Variants in TMEM132B observed in about 807,000 individuals in gnomAD.
TMEM132B encodes transmembrane protein 132B.
Under a neutral mutation model 90.8 loss-of-function variants are expected in TMEM132B, and 18 were observed. That is an observed-to-expected ratio of 0.20 (90% CI 0.14 to 0.29). The LOEUF is 0.29. Among genes scored for constraint, TMEM132B ranks in the 10% least tolerant of loss-of-function variants. The probability of loss-of-function intolerance (pLI) is 1.00; values close to 1 mark genes in which losing one functional copy is unlikely to be tolerated. For missense variants in TMEM132B, 1,096 were observed against 1,326.8 expected, an observed-to-expected ratio of 0.83 and a Z score of 2.70; for synonymous variants, 504 against 523.3, an observed-to-expected ratio of 0.96 and a Z score of 0.50.
At chr12:125,604,643 G>A (rs1885649619) in intron 5 of TMEM132B, among the ~76,000 whole-genome samples, 1 of 152,172 alleles carries the variant, frequency 6.6e-6, no homozygotes. Context: ...ATGAGCAAAT[G>A]TTTGAACATG....
intron 1 of TMEM132B, among the ~76,000 whole-genome samples, chr12:125,321,134 G>A (rs1206654458): frequency 6.6e-6 from 1 of 152,180 alleles, no homozygotes; most frequent in Admixed American, 6.5e-5. Context: ...AAGAGGTGCT[G>A]GATCTGGATA....
chr12:125,429,761 G>A (rs951003614), intron 3 of TMEM132B, among the ~76,000 whole-genome samples: 27 of 152,336 alleles, frequency 1.8e-4, no homozygotes, highest in African/African-American at 6.5e-4. Flanking sequence ...TTTTCATCAT[G>A]TCGTATCAGG....
intron 2 of TMEM132B, among the ~76,000 whole-genome samples, chr12:125,387,950 A>G (rs754481622): frequency 5.9e-5 from 9 of 152,196 alleles, no homozygotes; most frequent in Non-Finnish European, 1.3e-4. Flanking sequence ...GTCTTTGACT[A>G]GAAAGGAGGA....
intron 5 of TMEM132B, among the ~76,000 whole-genome samples, chr12:125,596,841 G>A (rs1258533259): frequency 6.6e-6 from 1 of 152,182 alleles, no homozygotes; most frequent in African/African-American, 2.4e-5. Flanking sequence ...AAATATTTGA[G>A]TTACAGTCTG....
At position 125,406,379 on chromosome 12, in the gene TMEM132B, G is replaced by C. The variant is rs1469546114; in HGVS notation, c.960-9152G>C. 6.6e-6 allele frequency among the ~76,000 whole-genome samples: 1 copy of C among 152,234 alleles called. No homozygotes were observed. The highest frequency in any genetic ancestry group is 2.4e-5 in the African/African-American group (1 of 41,462). The stretch of plus-strand genomic sequence containing the variant: ...AGTGCAAGGCGGAGGACAGTGCCTG[G>C]CTTCTAGAAGGGGCTTGAGACATTT... On this transcript the variant is annotated intron_variant, in intron 2 of 8. Coordinates refer to ENST00000682704, the MANE Select transcript of TMEM132B (RefSeq NM_001366854.1). This position sits in a 1 kb window ranked among gnomAD's most constrained non-coding sequence, Gnocchi z 8.3.
chr12:125,188,388 T>C (rs556487950), intron 1 of TMEM132B, among the ~76,000 whole-genome samples: 12 of 152,340 alleles, frequency 7.9e-5, no homozygotes, highest in Admixed American at 7.8e-4. Context: ...GTGCAGTCCC[T>C]CGGACTTGAA....
chr12:125,240,931 T>A (rs1874049663), intron 1 of TMEM132B, among the ~76,000 whole-genome samples: 1 of 152,192 alleles, frequency 6.6e-6, no homozygotes, highest in Admixed American at 6.5e-5. Flanking sequence ...GAATGAGTGA[T>A]CGCGTGAGTG....
chr12:125,597,547 T>A (rs1170798417), intron 5 of TMEM132B, among the ~76,000 whole-genome samples: 1 of 152,230 alleles, frequency 6.6e-6, no homozygotes, highest in Non-Finnish European at 1.5e-5. Context: ...TGTATCTATC[T>A]TTGTATATTA....
chr12:125,337,461 G>A (rs964644506), intron 1 of TMEM132B, among the ~76,000 whole-genome samples: 12 of 152,106 alleles, frequency 7.9e-5, no homozygotes, highest in African/African-American at 2.9e-4. Flanking sequence ...CTCACTGGTG[G>A]AAGGTAAAAG....
chr12:125,652,622 C>A lies in TMEM132B; in HGVS notation c.2096C>A (p.Ser699Tyr), dbSNP rs1220845008. The A allele has an allele frequency of 1.2e-6, 2 of 1,612,002 alleles. No individual in the cohort carries two copies. The highest frequency in any genetic ancestry group is 2.2e-5 in the East Asian group (1 of 44,804). The change falls in exon 8 of 9, where the codon TCC (serine) becomes TAC (tyrosine). Residue 699 changes from serine to tyrosine, a missense_variant. Physicochemically the swap from Ser to Tyr is moderately radical, Grantham distance 144. Transcript: ENST00000682704. ...STAAALDVLQ[S>Y]PQQEAIVSSW... ...GCTGCTGCCCTGGATGTTCTTCAGTCCCCACAGCAGGTGAGCGTTCCAGGG... is the reference window on the plus strand; with the variant it reads ...GCTGCTGCCCTGGATGTTCTTCAGTACCCACAGCAGGTGAGCGTTCCAGGG...
At position 125,415,415 on chromosome 12, in the gene TMEM132B, AG is replaced by A; in HGVS notation, c.960-111del. On this transcript the variant is annotated intron_variant, in intron 2 of 8. Coordinates refer to ENST00000682704, the MANE Select transcript of TMEM132B (RefSeq NM_001366854.1). The surrounding 1 kb of genome is among the most constrained non-coding windows in gnomAD (Gnocchi z 5.3). ...ACTCTCCCCCACATCTCCCAGAGGA[AG>A]GGGGCGATGTTACAGATGCTTTCCC... The A allele has an allele frequency of 7.9e-7, 1 of 1,270,882 alleles. No individual in the cohort carries two copies. Among genetic ancestry groups the A allele is most frequent in the East Asian group, 2.5e-5 (1 of 39,666 alleles). 78.7% of individuals were successfully genotyped at this position (1,270,882 alleles called of 1,614,324 possible).
chr12:125,225,605 A>G (rs1873661859), intron 1 of TMEM132B, among the ~76,000 whole-genome samples: 1 of 152,242 alleles, frequency 6.6e-6, no homozygotes, highest in Non-Finnish European at 1.5e-5. Context: ...TCAGTGGTTT[A>G]GTCCAATAGA....
chr12:125,231,822 AATGC>A (rs2136083400), intron 1 of TMEM132B, among the ~76,000 whole-genome samples: 1 of 152,282 alleles, frequency 6.6e-6, no homozygotes, highest in African/African-American at 2.4e-5. Context: ...ACTTTAAAAA[AATGC>A]ATGTACTTCG....
chr12:125,303,815 AT>A (rs907107595), intron 1 of TMEM132B, among the ~76,000 whole-genome samples: 2 of 152,220 alleles, frequency 1.3e-5, no homozygotes, highest in East Asian at 1.9e-4. Flanking sequence ...TCTTTTGCTC[AT>A]TTTTTAATTG....
At chr12:125,400,488 C>T (rs1315562533) in intron 2 of TMEM132B, among the ~76,000 whole-genome samples, 1 of 152,174 alleles carries the variant, frequency 6.6e-6, no homozygotes, top group African/African-American at 2.4e-5. Flanking sequence ...CTCAGAGGCC[C>T]AAAATATCTG....
chr12:125,384,247 C>G (rs1189292687), intron 2 of TMEM132B, among the ~76,000 whole-genome samples: 1 of 152,164 alleles, frequency 6.6e-6, no homozygotes, highest in Non-Finnish European at 1.5e-5. Flanking sequence ...CCGGCTGAAA[C>G]TCTCTGTATT....
rs1880997486 is a variant in TMEM132B, at chr12:125,445,993, A to G, written c.1106+30316A>G. On this transcript the variant is annotated intron_variant, in intron 3 of 8. Transcript: ENST00000682704. The surrounding 1 kb of genome is among the most constrained non-coding windows in gnomAD (Gnocchi z 4.3). ...ATTCTCTGCTATCCTGGGGGCTGCA[A>G]CCTCGCTTTCTCCAACAAAGTCTGA... Among the ~76,000 whole-genome samples, 1 of 151,982 alleles carries G rather than the reference A, an allele frequency of 6.6e-6. No individual in the cohort carries two copies. The highest frequency in any genetic ancestry group is 2.4e-5 in the African/African-American group (1 of 41,346).
chr12:125,345,847 C>T (rs1480650598), intron 1 of TMEM132B, among the ~76,000 whole-genome samples: 2 of 152,162 alleles, frequency 1.3e-5, no homozygotes, highest in African/African-American at 4.8e-5. Flanking sequence ...AATAGGGCCT[C>T]ATTTCACGTT....
intron 3 of TMEM132B, among the ~76,000 whole-genome samples, chr12:125,495,069 C>T (rs1882515242): frequency 1.9e-5 from 2 of 104,278 alleles, no homozygotes; most frequent in Non-Finnish European, 1.9e-5. Flanking sequence ...ATGGCCGCGT[C>T]CCTCCTCCCC....
Sources: allele counts gnomAD v4.1 joint callset (sites outside exome capture counted in the v4.1 genomes callset), GRCh38; gene constraint gnomAD v4.1.1; non-coding constraint Gnocchi (gnomAD v3.1); transcripts MANE v1.5; gene names NCBI Gene and HGNC (gene_info 2026-07-23, HGNC 2026-07-21).